Variants in B9D1 observed in about 807,000 individuals in gnomAD.
The protein encoded by B9D1 is B9 domain-containing protein 1.
B9D1 carries 20 observed loss-of-function variants against 26.1 expected under a neutral mutation model. That is an observed-to-expected ratio of 0.77 (90% CI 0.54 to 1.12). The LOEUF (loss-of-function observed/expected upper bound fraction) is 1.12. B9D1 is among the 50% of genes most tolerant of loss of function. The probability of loss-of-function intolerance (pLI) is 0.00; values close to 1 mark genes in which losing one functional copy is unlikely to be tolerated. For synonymous variants in B9D1, 105 were observed against 103.1 expected (o/e 1.02, Z -0.11); for missense variants, 260 against 273.7 (o/e 0.95, Z 0.35).
At chr17:19,373,521 A>G (rs979373317) in intron 1 of B9D1, among the ~76,000 whole-genome samples, 1 of 151,872 alleles carries the variant, frequency 6.6e-6, no homozygotes, top group Non-Finnish European at 1.5e-5. Context: ...CCTCCCGAGC[A>G]GCTGGGATTA....
At chr17:19,355,933 G>C (rs1045720299) in intron 3 of B9D1, among the ~76,000 whole-genome samples, 4 of 152,112 alleles carry the variant, frequency 2.6e-5, no homozygotes, top group African/African-American at 9.7e-5. Flanking sequence ...TCAGTGTCTA[G>C]AGATTCTGTT....
In B9D1 at chr17:19,359,200, A is replaced by G. The variant is rs183442009; in HGVS notation, c.132+1120T>C. On this transcript the variant is annotated intron_variant, in intron 2 of 6. Transcript: ENST00000261499. The surrounding 1 kb of genome is among the most constrained non-coding windows in gnomAD (Gnocchi z 5.0). ...AGAAGCCAGGGAATCTTCTAAAAAC[A>G]TAAGTCAGATCACTTTCTCTGCTGA... Among the ~76,000 whole-genome samples the G allele has an allele frequency of 4.7e-4, 71 of 152,272 alleles. No homozygotes were observed. Among genetic ancestry groups the G allele is most frequent in the African/African-American group, 1.5e-3 (62 of 41,534 alleles).
Position 19,370,583 on chromosome 17 carries a change from A to G in B9D1, c.-298+7276T>C, listed in dbSNP as rs1019243287. 1.3e-5 allele frequency among the ~76,000 whole-genome samples: 2 copies of G among 152,334 alleles called. No individual in the cohort carries two copies. The highest frequency in any genetic ancestry group is 3.9e-4 in the East Asian group (2 of 5,192). On this transcript the variant is annotated intron_variant, in intron 1 of 5. Transcript: ENST00000477478. This position sits in a 1 kb window ranked among gnomAD's most constrained non-coding sequence, Gnocchi z 5.1. ...CTCTCTTGGGACCATAGAGGACTGCAGCACCAATGGTGGAACTCCAGGCGT... is the reference window on the plus strand; with the variant it reads ...CTCTCTTGGGACCATAGAGGACTGCGGCACCAATGGTGGAACTCCAGGCGT...
chr17:19,337,475 G>A, downstream of B9D1: 1 of 495,532 alleles, frequency 2.0e-6, no homozygotes, highest in Non-Finnish European at 3.7e-6. Flanking sequence ...TGCTCTCTGT[G>A]CAAGTGCCTG....
At chr17:19,376,384 A>G (rs1290499224) in intron 1 of B9D1, among the ~76,000 whole-genome samples, 18 of 152,108 alleles carry the variant, frequency 1.2e-4, no homozygotes, top group Admixed American at 1.2e-3. Flanking sequence ...ATACCCCTCC[A>G]ACATTAACAT....
downstream of B9D1, chr17:19,336,027 A>G (rs1407016558): frequency 6.6e-6 from 1 of 152,480 alleles, no homozygotes; most frequent in Non-Finnish European, 1.5e-5. Flanking sequence ...TACCCTTCGC[A>G]CCGGCACAGG....
chr17:19,352,060 A>AT (rs1290013018), intron 3 of B9D1, among the ~76,000 whole-genome samples: 3 of 151,246 alleles, frequency 2.0e-5, no homozygotes, highest in Non-Finnish European at 4.4e-5. Context: ...CAATTTTTCT[A>AT]TTTTTTGTAG....
At position 19,353,468 on chromosome 17, in the gene B9D1, C is replaced by G. The variant is rs4468685; in HGVS notation, c.244+4372G>C. Among the ~76,000 whole-genome samples, 4 of 149,924 alleles carry G rather than the reference C, an allele frequency of 2.7e-5. No individual in the cohort carries two copies. In the East Asian group the frequency reaches 8.0e-4, roughly 30 times the overall value. On this transcript the variant is annotated intron_variant, in intron 3 of 6. Coordinates refer to ENST00000261499, the MANE Select transcript of B9D1 (RefSeq NM_015681.6). ...CCTGGCCAACATGGTGAAACCCCAT[C>G]TCTAATAAAAACACAAAAAAAATCA...
At chr17:19,335,310 C>A (rs1907354370), downstream of B9D1, 6 of 1,288,660 alleles carry the variant, frequency 4.7e-6, no homozygotes, top group East Asian at 7.8e-5. Flanking sequence ...ATTTTTCTTA[C>A]GAATATACCA....
At chr17:19,335,867 T>A (rs1907399879), downstream of B9D1, 1 of 156,832 alleles carries the variant, frequency 6.4e-6, no homozygotes, top group African/African-American at 2.4e-5. Flanking sequence ...AAAGACTTGC[T>A]TTTACCCAGG....
At chr17:19,360,698 G>A (rs1032363289) in intron 1 of B9D1, among the ~76,000 whole-genome samples, 13 of 152,188 alleles carry the variant, frequency 8.5e-5, no homozygotes, top group African/African-American at 3.1e-4. Flanking sequence ...TAACTCTCAA[G>A]CTGGTTTAAG....
intron 3 of B9D1, chr17:19,357,510 GCA>G (rs1377292757): frequency 2.5e-6 from 1 of 405,288 alleles, no homozygotes; most frequent in East Asian, 5.6e-5. Context: ...AAGTCAGCAG[GCA>G]CAGAGTCAGG....
chr17:19,337,014 A>G (rs1390596902), downstream of B9D1, among the ~76,000 whole-genome samples: 1 of 152,042 alleles, frequency 6.6e-6, no homozygotes, highest in Non-Finnish European at 1.5e-5. Flanking sequence ...CGGCCTTGTC[A>G]CTGGTGGAGG....
chr17:19,360,289 G>A (rs1334933912), intron 2 of B9D1, 31 bp downstream of exon 2: 1 of 1,608,054 alleles, frequency 6.2e-7, no homozygotes, highest in Non-Finnish European at 8.5e-7. Flanking sequence ...AGTCATGAAG[G>A]CGGTAAGGGA....
At chr17:19,369,156 T>A (rs142040784) in intron 1 of B9D1, among the ~76,000 whole-genome samples, 1 of 152,130 alleles carries the variant, frequency 6.6e-6, no homozygotes, top group Non-Finnish European at 1.5e-5. Context: ...AGGGTTATGG[T>A]AGACAAGCAA....
chr17:19,360,364 A>G lies in B9D1; in HGVS notation c.88T>C (p.Cys30Arg). 6.2e-7 allele frequency: 1 copy of G among 1,613,968 alleles called. No individual in the cohort carries two copies. The highest frequency in any genetic ancestry group is 8.5e-7 in the Non-Finnish European group (1 of 1,180,022). Residue 30 changes from cysteine to arginine, a missense_variant, in exon 2 of 7, where the codon TGC becomes CGC. Physicochemically the swap from Cys to Arg is radical, Grantham distance 180. Transcript: ENST00000261499. ...AQFPEYDDLY[C>R]KYCFVYGQDW... ...TGGCCGTACACAAAGCAGTACTTGC[A>G]GTAGAGGTCATCATACTCTGGAAAC...
At chr17:19,352,342 T>C (rs1909717676) in intron 3 of B9D1, among the ~76,000 whole-genome samples, 1 of 151,998 alleles carries the variant, frequency 6.6e-6, no homozygotes, top group Non-Finnish European at 1.5e-5. Context: ...GCTATTCTTT[T>C]ACTAATTTCT....
At chr17:19,353,603 T>C (rs974132212) in intron 3 of B9D1, among the ~76,000 whole-genome samples, 12 of 151,210 alleles carry the variant, frequency 7.9e-5, no homozygotes, top group Admixed American at 7.9e-4. Context: ...CGCCCGCCAT[T>C]GCACTCCAGC....
intron 1 of B9D1, among the ~76,000 whole-genome samples, chr17:19,373,017 C>T (rs1598104273): frequency 6.6e-6 from 1 of 152,252 alleles, no homozygotes; most frequent in Middle Eastern, 3.4e-3. Flanking sequence ...TTTGGCTGAG[C>T]CGGACTCCCT....
Sources: gnomAD v4.1 joint callset for allele counts (sites outside exome capture counted in the v4.1 genomes callset) on GRCh38, gnomAD v4.1.1 for gene constraint, Gnocchi (gnomAD v3.1) non-coding constraint, MANE v1.5 for transcripts, NCBI Gene and HGNC (gene_info 2026-07-23, HGNC 2026-07-21) for gene names.